The following IL1RAPL1 variants were observed in gnomAD, a reference collection of about 807,000 sequenced individuals.
The protein encoded by IL1RAPL1 is interleukin 1 receptor accessory protein like 1.
Under a neutral mutation model 48.4 loss-of-function variants are expected in IL1RAPL1, and 3 were observed. That is an observed-to-expected ratio of 0.06 (90% CI 0.03 to 0.16). The LOEUF is 0.16. Ranked by LOEUF, IL1RAPL1 falls within the 10% of genes least tolerant of loss-of-function variation. The pLI, the probability that IL1RAPL1 is intolerant of heterozygous loss-of-function variation, is 1.00. For synonymous variants in IL1RAPL1, 185 were observed against 187.7 expected, an observed-to-expected ratio of 0.99 and a Z score of 0.12; for missense variants, 349 against 530.6, an observed-to-expected ratio of 0.66 and a Z score of 3.36.
intron 2 of IL1RAPL1, among the ~76,000 whole-genome samples, chrX:29,072,156 A>G (rs1266078295): frequency 1.8e-5 from 2 of 110,433 alleles, no homozygotes; most frequent in Non-Finnish European, 3.8e-5. Flanking sequence ...ATGGACAAAA[A>G]ATGGCAAAAA....
intron 4 of IL1RAPL1, among the ~76,000 whole-genome samples, chrX:29,398,678 C>T (rs927949676): frequency 8.9e-6 from 1 of 111,894 alleles, no homozygotes; most frequent in Non-Finnish European, 1.9e-5. Context: ...TTGAACGGTG[C>T]AATCTTTTGT....
intron 2 of IL1RAPL1, among the ~76,000 whole-genome samples, chrX:28,996,218 G>A (rs760931519): frequency 4.0e-4 from 44 of 111,257 alleles, no homozygotes; most frequent in Non-Finnish European, 7.4e-4. Flanking sequence ...AGTCATATGT[G>A]TCCTTTGTGA....
intron 5 of IL1RAPL1, among the ~76,000 whole-genome samples, chrX:29,561,085 A>T (rs1034631307): frequency 2.7e-5 from 3 of 110,933 alleles, no homozygotes; most frequent in Admixed American, 1.9e-4. Context: ...CACCTGCCCC[A>T]CTCCTCTTGT....
intron 1 of IL1RAPL1, among the ~76,000 whole-genome samples, chrX:28,624,990 G>A (rs906207899): frequency 2.7e-5 from 3 of 111,852 alleles, no homozygotes; most frequent in African/African-American, 9.7e-5. Flanking sequence ...ATAAAGAAAT[G>A]CCCTGAATTA....
At chrX:29,252,691 A>G (rs764242669) in intron 2 of IL1RAPL1, among the ~76,000 whole-genome samples, 3 of 111,293 alleles carry the variant, frequency 2.7e-5, no homozygotes, top group South Asian at 3.7e-4. Context: ...ATTGTCCACT[A>G]CCATACTGAA....
chrX:28,873,016 G>C (rs184301417), intron 2 of IL1RAPL1, among the ~76,000 whole-genome samples: 16 of 110,272 alleles, frequency 1.5e-4, no homozygotes, highest in African/African-American at 4.9e-4. Flanking sequence ...TCTAGCCATG[G>C]GAGAGAGGTA....
intron 5 of IL1RAPL1, among the ~76,000 whole-genome samples, chrX:29,510,463 T>C (rs1327873720): frequency 8.9e-6 from 1 of 112,691 alleles, no homozygotes. Flanking sequence ...GCAAGCCTTG[T>C]TTCATAATTT....
intron 5 of IL1RAPL1, among the ~76,000 whole-genome samples, chrX:29,491,107 A>C (rs1229747936): frequency 9.0e-6 from 1 of 111,554 alleles, no homozygotes; most frequent in African/African-American, 3.3e-5. Context: ...TGTTCACCTC[A>C]GTGTTCTAAT....
Position 29,618,992 on chromosome X carries a change from A to G in IL1RAPL1, c.704-49438A>G, listed in dbSNP as rs151079588. ...TATAATGTACAGCTTGCTGAGCCAC[A>G]GTAAACAGTATCATTTTTAGCTTTC... On this transcript the variant is annotated intron_variant, in intron 5 of 10. Coordinates refer to ENST00000378993, the MANE Select transcript of IL1RAPL1 (RefSeq NM_014271.4). Among the ~76,000 whole-genome samples the G allele has an allele frequency of 9.1e-3, 1,022 of 112,133 alleles. 11 individuals carry two copies. Among genetic ancestry groups the G allele is most frequent in the African/African-American group, 0.031 (950 of 30,931 alleles).
At chrX:28,706,420 CT>C (rs199806459) in intron 1 of IL1RAPL1, among the ~76,000 whole-genome samples, 6,040 of 102,477 alleles carry the variant, frequency 0.059, 372 homozygotes, top group East Asian at 0.31. Context: ...TCTTTCTTTT[CT>C]TTTTTTTTTT....
At chrX:28,961,637 A>C (rs1924781137) in intron 2 of IL1RAPL1, among the ~76,000 whole-genome samples, 1 of 111,018 alleles carries the variant, frequency 9.0e-6, no homozygotes, top group Non-Finnish European at 1.9e-5. Flanking sequence ...GCTGAGGATG[A>C]TGGTTTCCAG....
At chrX:28,783,243 G>A (rs1042343784) in intron 1 of IL1RAPL1, among the ~76,000 whole-genome samples, 1 of 111,714 alleles carries the variant, frequency 9.0e-6, no homozygotes, top group East Asian at 2.8e-4. Flanking sequence ...TTTAATTCTC[G>A]GGACAATATT....
chrX:29,057,497 G>A (rs5985948), intron 2 of IL1RAPL1, among the ~76,000 whole-genome samples: 14,200 of 108,040 alleles, frequency 0.13, 922 homozygotes, highest in Non-Finnish European at 0.19. Context: ...GCACAATCTC[G>A]GCTCACTGCA....
chrX:29,682,751 A>G lies in IL1RAPL1; in HGVS notation c.778+14247A>G, dbSNP rs769332106. ...TAGTCATAAATAAAAACCAACATAC[A>G]TATGTCACTCTTCTTTTAGTAGCAT... On this transcript the variant is annotated intron_variant, in intron 6 of 10. Transcript: ENST00000378993. Among the ~76,000 whole-genome samples, 40 of 112,436 alleles carry G rather than the reference A, an allele frequency of 3.6e-4. 1 individual carries two copies. The highest frequency in any genetic ancestry group is 2.6e-3 in the Admixed American group (28 of 10,579).
chrX:29,663,539 A>T (rs1467906087), intron 5 of IL1RAPL1, among the ~76,000 whole-genome samples: 8 of 112,306 alleles, frequency 7.1e-5, no homozygotes, highest in Admixed American at 2.8e-4. Context: ...AAATTGGATT[A>T]TGGAGGTATT....
intron 2 of IL1RAPL1, among the ~76,000 whole-genome samples, chrX:28,925,853 G>A (rs1221666629): frequency 6.3e-5 from 7 of 111,615 alleles, no homozygotes; most frequent in South Asian, 3.8e-4. Flanking sequence ...CCAGGGAGTC[G>A]GAGGTTGCAG....
At chrX:28,781,481 G>C (rs1271820776) in intron 1 of IL1RAPL1, among the ~76,000 whole-genome samples, 1 of 109,290 alleles carries the variant, frequency 9.1e-6, no homozygotes, top group East Asian at 2.8e-4. Context: ...CTAACCTCTA[G>C]AACCTTTTTT....
chrX:29,046,013 T>C (rs1386767039), intron 2 of IL1RAPL1, among the ~76,000 whole-genome samples: 1 of 88,615 alleles, frequency 1.1e-5, no homozygotes. Context: ...TTCTTGCTTC[T>C]TTTTCTTCTT....
At chrX:29,810,784 A>T (rs942054438) in intron 6 of IL1RAPL1, among the ~76,000 whole-genome samples, 10 of 111,666 alleles carry the variant, frequency 9.0e-5, no homozygotes, top group African/African-American at 3.2e-4. Context: ...CTGTTAAAAT[A>T]GCCATTTGTT....
Sources: gnomAD v4.1 joint callset for allele counts (sites outside exome capture counted in the v4.1 genomes callset) on GRCh38, gnomAD v4.1.1 for gene constraint, MANE v1.5 for transcripts, NCBI Gene and HGNC (gene_info 2026-07-23, HGNC 2026-07-21) for gene names.